VCL: variants seen among roughly 807,000 people sequenced by gnomAD.
VCL encodes vinculin.
Under a neutral mutation model 125.7 loss-of-function variants are expected in VCL, and 47 were observed. The observed-to-expected ratio is 0.37, with a 90% confidence interval of 0.30 to 0.48. The LOEUF is 0.48. Ranked by LOEUF, VCL falls within the 20% of genes least tolerant of loss-of-function variation. The probability of loss-of-function intolerance (pLI) is 0.99; values close to 1 mark genes in which losing one functional copy is unlikely to be tolerated. For missense variants in VCL, 1,069 were observed against 1,455.5 expected (o/e 0.73, Z 4.32); for synonymous variants, 458 against 514.6 (o/e 0.89, Z 1.49).
At chr10:74,041,007 C>T (rs1841084531) in intron 1 of VCL, among the ~76,000 whole-genome samples, 1 of 152,126 alleles carries the variant, frequency 6.6e-6, no homozygotes, top group South Asian at 2.1e-4. Flanking sequence ...TAGGTGTGAG[C>T]CACCACACCC....
chr10:74,051,516 T>G (rs1490965085), intron 2 of VCL, among the ~76,000 whole-genome samples: 1 of 152,226 alleles, frequency 6.6e-6, no homozygotes, highest in Non-Finnish European at 1.5e-5. Flanking sequence ...TTGTGTTATT[T>G]AGTCCACTTC....
chr10:74,104,255 G>T (rs891468152), intron 15 of VCL, among the ~76,000 whole-genome samples: 1 of 152,160 alleles, frequency 6.6e-6, no homozygotes, highest in Non-Finnish European at 1.5e-5. Flanking sequence ...GCTGGGAGGC[G>T]GTGTTTGTGG....
intron 1 of VCL, among the ~76,000 whole-genome samples, chr10:74,011,150 A>G (rs1441379815): frequency 1.5e-5 from 2 of 131,762 alleles, no homozygotes; most frequent in African/African-American, 5.8e-5. Context: ...GGGCAACAAG[A>G]GTGAAACTCT....
intron 11 of VCL, among the ~76,000 whole-genome samples, chr10:74,095,030 A>G (rs777234518): frequency 6.6e-6 from 1 of 152,222 alleles, no homozygotes; most frequent in African/African-American, 2.4e-5. Context: ...TTACTGGAGA[A>G]ATAAATTAGT....
chr10:74,112,223 G>A, intron 19 of VCL, 111 bp downstream of exon 19: 1 of 1,380,926 alleles, frequency 7.2e-7, no homozygotes, highest in South Asian at 1.2e-5. Flanking sequence ...TCTGAGCAGG[G>A]CGGGCATCTG....
intron 1 of VCL, 115 bp downstream of exon 1, chr10:73,998,490 G>C (rs1423373189): frequency 8.9e-7 from 1 of 1,129,028 alleles, no homozygotes; most frequent in African/African-American, 1.6e-5. Flanking sequence ...CGTGGGTTCC[G>C]GAGCCAGGCG....
chr10:74,000,325 G>A (rs188429424), intron 1 of VCL, among the ~76,000 whole-genome samples: 2 of 148,220 alleles, frequency 1.3e-5, no homozygotes, highest in Admixed American at 6.9e-5. Flanking sequence ...GTGCAATGGC[G>A]TGATCATAGC....
At chr10:74,018,201 T>TATATATATATATAAAA (rs1433937715) in intron 1 of VCL, among the ~76,000 whole-genome samples, 29 of 139,806 alleles carry the variant, frequency 2.1e-4, no homozygotes, top group African/African-American at 7.5e-4. Flanking sequence ...TATATATATA[T>TATATATATATATAAAA]AAATACATAT....
chr10:74,048,586 A>G (rs554692612), intron 2 of VCL, among the ~76,000 whole-genome samples: 13 of 152,034 alleles, frequency 8.6e-5, no homozygotes, highest in African/African-American at 3.1e-4. Flanking sequence ...CTTCTTCGTC[A>G]TCATCATCAT....
At position 74,062,367 on chromosome 10, in the gene VCL, A is replaced by ATT. The variant is rs34306365; in HGVS notation, c.240-8285_240-8284dup. On this transcript the variant is annotated intron_variant, in intron 2 of 21. Transcript: ENST00000211998. Reference sequence around the variant, plus strand: ...GGTGTGAGCCACCATGCCTGGCCTGATTTTTTTTTTTTTTTTTTTGTAGAG... The same window carrying ATT: ...GGTGTGAGCCACCATGCCTGGCCTGATTTTTTTTTTTTTTTTTTTTTGTAGAG... Among the ~76,000 whole-genome samples, 800 of 113,922 alleles carry ATT rather than the reference A, an allele frequency of 7.0e-3. 25 individuals carry two copies. The highest frequency in any genetic ancestry group is 0.011 in the Middle Eastern group (2 of 178). The allele number at this position is 113,922 out of a possible 152,430, so 74.7% of individuals were successfully genotyped here.
intron 16 of VCL, 143 bp from the exon 17 acceptor site, chr10:74,107,086 TC>T: frequency 1.5e-6 from 2 of 1,343,288 alleles, no homozygotes; most frequent in South Asian, 1.2e-5. Flanking sequence ...TTGTCCTGCC[TC>T]CCCCCTTCTT....
At chr10:74,013,423 G>T (rs974225793) in intron 1 of VCL, among the ~76,000 whole-genome samples, 1 of 151,960 alleles carries the variant, frequency 6.6e-6, no homozygotes, top group Admixed American at 6.6e-5. Flanking sequence ...AATAAACATG[G>T]ATGTAGAATT....
intron 21 of VCL, 47 bp from the exon 22 acceptor site, chr10:74,117,976 C>T: frequency 6.2e-7 from 1 of 1,612,426 alleles, no homozygotes; most frequent in Non-Finnish European, 8.5e-7. Flanking sequence ...TAGAGACAGG[C>T]CTGCATCAGG....
intron 1 of VCL, among the ~76,000 whole-genome samples, chr10:74,036,830 A>C (rs944636208): frequency 1.3e-5 from 2 of 152,060 alleles, no homozygotes; most frequent in Non-Finnish European, 2.9e-5. Context: ...TTTTCCCACC[A>C]GCTATGAAGA....
At chr10:74,016,072 C>T (rs1432723063) in intron 1 of VCL, among the ~76,000 whole-genome samples, 4 of 152,074 alleles carry the variant, frequency 2.6e-5, no homozygotes, top group Non-Finnish European at 5.9e-5. Context: ...CTCAAGGGAT[C>T]CTCCTGCCTG....
intron 2 of VCL, among the ~76,000 whole-genome samples, chr10:74,050,693 C>G (rs1169965308): frequency 3.3e-5 from 5 of 151,816 alleles, no homozygotes; most frequent in Non-Finnish European, 5.9e-5. Context: ...CACTTAATAC[C>G]TTTTGTTTGC....
intron 1 of VCL, among the ~76,000 whole-genome samples, chr10:74,023,943 G>C (rs955425860): frequency 2.0e-5 from 3 of 151,974 alleles, no homozygotes; most frequent in African/African-American, 7.3e-5. Context: ...TCCATGCCCA[G>C]CTCATATGTA....
In VCL at chr10:74,022,575, G is replaced by GATAA. The variant is rs112373013; in HGVS notation, c.169-20475_169-20472dup. Among the ~76,000 whole-genome samples the GATAA allele has an allele frequency of 7.1e-3, 861 of 121,050 alleles. 6 individuals are homozygous for GATAA. The highest frequency in any genetic ancestry group is 0.016 in the East Asian group (75 of 4,812). 79.4% of individuals were successfully genotyped at this position (121,050 alleles called of 152,430 possible). On this transcript the variant is annotated intron_variant, in intron 1 of 21. Transcript: ENST00000211998. ...AAAAATAAAATACAATAAGAATAAA[G>GATAA]ATAAATAAATAAATAAATAAATAAA... is the stretch of plus-strand genomic sequence containing the variant.
rs762489804 is a variant in VCL, at chr10:74,036,974, G to A, written c.169-6109G>A. On this transcript the variant is annotated intron_variant, in intron 1 of 21. Transcript: ENST00000211998. ...CACCCAGGCTGGAGTGCAGTGGCCC[G>A]ATCTTGGCTCACTGCAAGCTCTGCC... is the stretch of plus-strand genomic sequence containing the variant. 2.1e-3 allele frequency among the ~76,000 whole-genome samples: 317 copies of A among 150,956 alleles called. 6 individuals are homozygous for A. The highest frequency in any genetic ancestry group is 3.1e-3 in the Non-Finnish European group (208 of 67,778).
Sources: gnomAD v4.1 joint callset for allele counts (sites outside exome capture counted in the v4.1 genomes callset) on GRCh38, gnomAD v4.1.1 for gene constraint, MANE v1.5 for transcripts, NCBI Gene and HGNC (gene_info 2026-07-23, HGNC 2026-07-21) for gene names.